BANK1: variants seen among roughly 807,000 people sequenced by gnomAD.
The protein encoded by BANK1 is B cell scaffold protein with ankyrin repeats 1.
A neutral mutation model predicts 94.5 loss-of-function variants in BANK1; 95 were observed. That is an observed-to-expected ratio of 1.00 (90% CI 0.85 to 1.19). The LOEUF (loss-of-function observed/expected upper bound fraction) is 1.19, where lower values mean the gene tolerates loss of function less well. Ranked by LOEUF, BANK1 falls within the 50% of genes most tolerant of loss-of-function variation. The pLI is 0.00. For synonymous variants in BANK1, 334 were observed against 308.4 expected (o/e 1.08, Z -0.87); for missense variants, 987 against 932.2 (o/e 1.06, Z -0.77).
chr4:102,054,761 G>A (rs879380669), intron 11 of BANK1, among the ~76,000 whole-genome samples: 3 of 151,884 alleles, frequency 2.0e-5, no homozygotes, highest in Admixed American at 1.3e-4. Context: ...TGAAAATGGG[G>A]AGGCTTAAAA....
chr4:101,944,229 T>C (rs188564589), intron 7 of BANK1, among the ~76,000 whole-genome samples: 123 of 151,960 alleles, frequency 8.1e-4, no homozygotes, highest in African/African-American at 2.8e-3. Flanking sequence ...GCATAAAACA[T>C]GCAAAGTAAC....
chr4:101,852,507 C>T (rs113569379), intron 2 of BANK1, among the ~76,000 whole-genome samples: 5,983 of 64,444 alleles, frequency 0.093, 244 homozygotes, highest in African/African-American at 0.19. Context: ...TATATATACA[C>T]ACACACATAT....
chr4:102,052,203 C>T (rs777342905), intron 11 of BANK1, among the ~76,000 whole-genome samples: 10 of 150,690 alleles, frequency 6.6e-5, no homozygotes, highest in African/African-American at 2.2e-4. Flanking sequence ...CTGCAGCCTC[C>T]GCCTCCCGTG....
Position 101,889,338 on chromosome 4 carries a change from A to G in BANK1, c.904-5967A>G, listed in dbSNP as rs148693332. Among the ~76,000 whole-genome samples the G allele has an allele frequency of 7.9e-5, 12 of 152,066 alleles. No homozygotes were observed. The East Asian group carries it at 2.3e-3, about 29-fold the overall frequency. On this transcript the variant is annotated intron_variant, in intron 5 of 16. Transcript: ENST00000322953. ...GTCTTGCTAGAAGTTTGTCAATTTT[A>G]TTGATCTTTTAAAAGAATCACAGGC...
chr4:101,983,858 A>C (rs1012815899), intron 7 of BANK1, among the ~76,000 whole-genome samples: 5 of 152,106 alleles, frequency 3.3e-5, no homozygotes, highest in African/African-American at 1.2e-4. Context: ...AAGTAATCCA[A>C]ATAACATATT....
intron 8 of BANK1, among the ~76,000 whole-genome samples, 165 bp downstream of exon 8, chr4:102,021,757 A>G (rs1427902372): frequency 1.3e-5 from 2 of 152,128 alleles, no homozygotes; most frequent in Non-Finnish European, 2.9e-5. Flanking sequence ...CTACTACATC[A>G]TATTCCTAAT....
At chr4:101,926,063 G>A (rs144714836) in intron 7 of BANK1, among the ~76,000 whole-genome samples, 66 of 151,750 alleles carry the variant, frequency 4.3e-4, no homozygotes, top group Middle Eastern at 3.4e-3. Flanking sequence ...CCATTAACTG[G>A]CTTTGAATTT....
intron 9 of BANK1, among the ~76,000 whole-genome samples, chr4:102,028,524 T>C (rs1727178393): frequency 6.6e-6 from 1 of 152,226 alleles, no homozygotes; most frequent in Non-Finnish European, 1.5e-5. Flanking sequence ...CTGCTACTTG[T>C]CTTTCCCCTT....
intron 9 of BANK1, among the ~76,000 whole-genome samples, chr4:102,027,779 C>T (rs1303180182): frequency 2.0e-5 from 3 of 152,004 alleles, no homozygotes; most frequent in African/African-American, 7.2e-5. Flanking sequence ...CTATAGAGCA[C>T]TTTACAGTTT....
At chr4:101,962,260 C>T (rs1377629406) in intron 7 of BANK1, among the ~76,000 whole-genome samples, 3 of 152,132 alleles carry the variant, frequency 2.0e-5, no homozygotes, top group Admixed American at 1.3e-4. Flanking sequence ...CTTAGCCCCA[C>T]GGCATCATGC....
intron 7 of BANK1, among the ~76,000 whole-genome samples, chr4:102,006,129 GAACTAGTTCATCTAATCCTTGAAA>G: frequency 6.6e-6 from 1 of 151,934 alleles, no homozygotes; most frequent in African/African-American, 2.4e-5. Context: ...TCTATGCCAA[GAACTAGTTCATCTAATCCTTGAAA>G]CAACCCAAAG....
At chr4:101,853,391 C>T (rs1031326382) in intron 2 of BANK1, among the ~76,000 whole-genome samples, 15 of 152,264 alleles carry the variant, frequency 9.9e-5, no homozygotes, top group African/African-American at 3.6e-4. Context: ...TAACTACTTC[C>T]AAATCTACTG....
At chr4:101,840,223 C>T (rs1471582271) in intron 2 of BANK1, among the ~76,000 whole-genome samples, 1 of 151,616 alleles carries the variant, frequency 6.6e-6, no homozygotes, top group Admixed American at 6.6e-5. Flanking sequence ...CCGCCTCGGC[C>T]TCCCGAAGTG....
At chr4:101,812,323 A>G (rs1725755594) in intron 1 of BANK1, among the ~76,000 whole-genome samples, 1 of 151,928 alleles carries the variant, frequency 6.6e-6, no homozygotes, top group African/African-American at 2.4e-5. Context: ...GTACATTAAC[A>G]TAAAGGAATA....
intron 2 of BANK1, among the ~76,000 whole-genome samples, chr4:101,847,601 A>G (rs1560599460): frequency 6.6e-6 from 1 of 151,994 alleles, no homozygotes; most frequent in Non-Finnish European, 1.5e-5. Flanking sequence ...TAGCTCCCAG[A>G]TATCATTGAG....
intron 13 of BANK1, among the ~76,000 whole-genome samples, chr4:102,068,564 C>T (rs745536444): frequency 2.2e-4 from 33 of 152,172 alleles, no homozygotes; most frequent in African/African-American, 8.0e-4. Context: ...TGGTGGCTCA[C>T]GCCTGTGATC....
At position 101,872,520 on chromosome 4, in the gene BANK1, G is replaced by A. The variant is rs1306904666; in HGVS notation, c.903+1876G>A. Among the ~76,000 whole-genome samples the A allele has an allele frequency of 2.6e-5, 4 of 152,124 alleles. No homozygotes were observed. The South Asian group carries it at 8.3e-4, about 32-fold the overall frequency. Reference sequence around the variant, plus strand: ...AGGGTATCTGTGAACTCACTGAGAAGTTGAAAAGCACTTTCTACCCCTGAG... The same window carrying A: ...AGGGTATCTGTGAACTCACTGAGAAATTGAAAAGCACTTTCTACCCCTGAG... On this transcript the variant is annotated intron_variant, in intron 5 of 16. Transcript: ENST00000322953.
intron 7 of BANK1, among the ~76,000 whole-genome samples, chr4:101,980,867 C>A (rs1302971136): frequency 1.3e-5 from 2 of 151,902 alleles, no homozygotes; most frequent in Non-Finnish European, 2.9e-5. Context: ...TGGTCTTCAT[C>A]AGGATCTTCT....
chr4:101,875,331 A>G (rs1048948794), intron 5 of BANK1, among the ~76,000 whole-genome samples: 1 of 152,194 alleles, frequency 6.6e-6, no homozygotes, highest in Admixed American at 6.5e-5. Flanking sequence ...CACTGTATTA[A>G]TCCATTCTCA....
Sources: allele counts gnomAD v4.1 joint callset (sites outside exome capture counted in the v4.1 genomes callset), GRCh38; gene constraint gnomAD v4.1.1; transcripts MANE v1.5; gene names NCBI Gene and HGNC (gene_info 2026-07-23, HGNC 2026-07-21).